Variants in TNPO2 observed in about 807,000 individuals in gnomAD.
TNPO2 encodes the protein transportin-2.
Under a neutral mutation model 111.1 loss-of-function variants are expected in TNPO2, and 16 were observed. The observed-to-expected ratio is 0.14, with a 90% confidence interval of 0.10 to 0.22. The LOEUF (loss-of-function observed/expected upper bound fraction) is 0.22, where lower values mean the gene tolerates loss of function less well. Among genes scored for constraint, TNPO2 ranks in the 10% least tolerant of loss-of-function variants. TNPO2 has a pLI of 1.00. For synonymous variants in TNPO2, 481 were observed against 475.8 expected (o/e 1.01, Z -0.14); for missense variants, 530 against 1,173.7 (o/e 0.45, Z 8.01).
chr19:12,717,535 G>A (rs2026431144), intron 5 of TNPO2, among the ~76,000 whole-genome samples: 1 of 151,986 alleles, frequency 6.6e-6, no homozygotes, highest in East Asian at 1.9e-4. Context: ...GCCTCCCAAG[G>A]TGCTGGGATT....
rs2025648829 is a variant in TNPO2 at position 12,706,138 on chromosome 19, G to C, written c.1668+58C>G. ...GCGTGCAACACGGGGTTGCCACCAG[G>C]TCACTGGATGCCCAGGGGCACGGGG... is the stretch of plus-strand genomic sequence containing the variant. On this transcript the variant is annotated intron_variant, in intron 15 of 25. Coordinates refer to ENST00000425528, the MANE Select transcript of TNPO2 (RefSeq NM_001382241.1). This position sits in a 1 kb window ranked among gnomAD's most constrained non-coding sequence, Gnocchi z 7.0. 1 of 1,578,466 alleles carries C rather than the reference G, an allele frequency of 6.3e-7. No homozygotes were observed. Among genetic ancestry groups the C allele is most frequent in the Non-Finnish European group, 8.6e-7 (1 of 1,162,584 alleles).
In TNPO2 at chr19:12,721,615, G is replaced by A; in HGVS notation, c.-13-625C>T. On this transcript the variant is annotated intron_variant, in intron 2 of 25. Coordinates refer to ENST00000425528, the MANE Select transcript of TNPO2 (RefSeq NM_001382241.1). The surrounding 1 kb of genome is among the most constrained non-coding windows in gnomAD (Gnocchi z 4.9). Reference sequence around the variant, plus strand: ...CAGTGGATGCCAGATATCCCCCTCTGTGGCCTAGCCAAATTCTAAGGATTC... The same window carrying A: ...CAGTGGATGCCAGATATCCCCCTCTATGGCCTAGCCAAATTCTAAGGATTC... 1 of 271,602 alleles carries A rather than the reference G, an allele frequency of 3.7e-6. No homozygotes were observed. The highest frequency in any genetic ancestry group is 7.3e-6 in the Non-Finnish European group (1 of 137,644). The allele number at this position is 271,602 out of a possible 1,614,324, so 16.8% of individuals were successfully genotyped here. A position where few individuals can be genotyped will look rare whatever the true frequency, so the allele number is the denominator to read the frequency against.
At chr19:12,722,409 T>C (rs8104141) in intron 2 of TNPO2, 24,124 of 148,884 alleles carry the variant, frequency 0.16, 5,498 homozygotes, top group African/African-American at 0.51. Context: ...CGGCGCAGGC[T>C]CGGTGCCCGG....
rs1442393242 is a variant in TNPO2, at chr19:12,719,218, G to T, written c.176-40C>A. 2 of 1,613,886 alleles carry T rather than the reference G, an allele frequency of 1.2e-6. No individual in the cohort carries two copies. Among genetic ancestry groups the T allele is most frequent in the Non-Finnish European group, 1.7e-6 (2 of 1,179,768 alleles). On this transcript the variant is annotated intron_variant, in intron 4 of 25. Transcript: ENST00000425528. This position sits in a 1 kb window ranked among gnomAD's most constrained non-coding sequence, Gnocchi z 5.0. Reference sequence around the variant, plus strand: ...GCTGAGGTTCAGGGGCCCAGGGGGAGAAAGCAGGGTCCCGATCGCATGGAA... The same window carrying T: ...GCTGAGGTTCAGGGGCCCAGGGGGATAAAGCAGGGTCCCGATCGCATGGAA...
In TNPO2 at chr19:12,710,194, G is replaced by A. The variant is rs74930647; in HGVS notation, c.1270+427C>T. On this transcript the variant is annotated intron_variant, in intron 13 of 25. Transcript: ENST00000425528. ...GCCCGGCAGCCAGGAACAGGTTTAA[G>A]GCCCAGACACACCCTGAGTGACTGT... 6.1e-3 allele frequency among the ~76,000 whole-genome samples: 929 copies of A among 152,234 alleles called. 7 individuals carry two copies. The highest frequency in any genetic ancestry group is 0.021 in the African/African-American group (876 of 41,530).
In TNPO2 at chr19:12,719,612, G is replaced by A. The variant is rs1435832044; in HGVS notation, c.100-276C>T. Among the ~76,000 whole-genome samples the A allele has an allele frequency of 6.6e-6, 1 of 152,048 alleles. No individual in the cohort carries two copies. The highest frequency in any genetic ancestry group is 1.5e-5 in the Non-Finnish European group (1 of 68,012). ...GGAGTTCGAGACTAGCCTGGCCAGCGTGGTGAAACCCCATCTCTACTAAAC... is the reference window on the plus strand; with the variant it reads ...GGAGTTCGAGACTAGCCTGGCCAGCATGGTGAAACCCCATCTCTACTAAAC... On this transcript the variant is annotated intron_variant, in intron 3 of 25. Transcript: ENST00000425528. The surrounding 1 kb of genome is among the most constrained non-coding windows in gnomAD (Gnocchi z 5.0).
intron 5 of TNPO2, among the ~76,000 whole-genome samples, chr19:12,716,204 T>C (rs2026358090): frequency 6.6e-6 from 1 of 152,192 alleles, no homozygotes; most frequent in African/African-American, 2.4e-5. Context: ...CTTGACTCAG[T>C]AGGCACCCTG....
chr19:12,703,184 C>CA, intron 20 of TNPO2: 1 of 588,650 alleles, frequency 1.7e-6, no homozygotes. Context: ...AAAAAAAAGC[C>CA]AAAGTCACCC....
rs544639010 is a variant in TNPO2 at position 12,705,947 on chromosome 19, G to A, written c.1669-179C>T. On this transcript the variant is annotated intron_variant, in intron 15 of 25. Transcript: ENST00000425528. The surrounding 1 kb of genome is among the most constrained non-coding windows in gnomAD (Gnocchi z 7.2). ...CTTCTCACCTGTCCAAGCACCGCCC[G>A]CCCCACCCCACCCCCCGGGAGCCTG... is the stretch of plus-strand genomic sequence containing the variant. 9.5e-4 allele frequency: 442 copies of A among 463,210 alleles called. 3 individuals are homozygous for A. The highest frequency in any genetic ancestry group is 7.9e-3 in the African/African-American group (399 of 50,744). The allele number at this position is 463,210 out of a possible 1,614,324, so 28.7% of individuals were successfully genotyped here. A position where few individuals can be genotyped will look rare whatever the true frequency, so the allele number is the denominator to read the frequency against.
chr19:12,711,278 C>G lies in TNPO2; in HGVS notation c.1117+18G>C. ...AGGGCTTGCCACCCCACCACCACCC[C>G]CAGGCAGGGGCACACACTCAAATTC... On this transcript the variant is annotated intron_variant, in intron 12 of 25. Transcript: ENST00000425528. 6.2e-7 allele frequency: 1 copy of G among 1,608,868 alleles called. No homozygotes were observed. Among genetic ancestry groups the G allele is most frequent in the South Asian group, 1.1e-5 (1 of 90,530 alleles).
intron 10 of TNPO2, among the ~76,000 whole-genome samples, chr19:12,713,482 GATAAATAA>G (rs112781674): frequency 2.5e-3 from 370 of 146,430 alleles, no homozygotes; most frequent in African/African-American, 4.4e-3. Context: ...TCTAATGAAT[GATAAATAA>G]ATAAATAAAT....
intron 19 of TNPO2, 74 bp from the exon 20 acceptor site, chr19:12,703,600 C>T (rs1236920352): frequency 2.5e-6 from 4 of 1,573,362 alleles, no homozygotes; most frequent in African/African-American, 2.7e-5. Flanking sequence ...CCAGCAGGCC[C>T]CATCAGACAG....
intron 10 of TNPO2, 31 bp from the exon 11 acceptor site, chr19:12,711,644 C>T (rs1332736530): frequency 1.9e-6 from 3 of 1,605,140 alleles, no homozygotes; most frequent in Non-Finnish European, 2.6e-6. Context: ...TATGGGGATG[C>T]AGGGGCCGTG....
Position 12,715,900 on chromosome 19 carries a change from G to A in TNPO2, c.326-161C>T, listed in dbSNP as rs145084258. Reference sequence around the variant, plus strand: ...TTTTTCTTTGTAAGAGATAGAATTAGCTCTGTTGCCCAGGCTGGACTGCTG... The same window carrying A: ...TTTTTCTTTGTAAGAGATAGAATTAACTCTGTTGCCCAGGCTGGACTGCTG... On this transcript the variant is annotated intron_variant, in intron 5 of 25. Transcript: ENST00000425528. This position sits in a 1 kb window ranked among gnomAD's most constrained non-coding sequence, Gnocchi z 7.1. 2.8e-4 allele frequency among the ~76,000 whole-genome samples: 42 copies of A among 151,528 alleles called. No homozygotes were observed. The highest frequency in any genetic ancestry group is 9.4e-4 in the African/African-American group (39 of 41,302).
chr19:12,713,898 G>T (rs2026213000), intron 10 of TNPO2, among the ~76,000 whole-genome samples: 1 of 151,992 alleles, frequency 6.6e-6, no homozygotes, highest in African/African-American at 2.4e-5. Flanking sequence ...GGTGTGGTGG[G>T]ATGTGCCTGT....
chr19:12,703,839 C>G (rs1260754686), intron 18 of TNPO2, 38 bp from the exon 19 acceptor site: 1 of 1,530,624 alleles, frequency 6.5e-7, no homozygotes, highest in Non-Finnish European at 8.8e-7. Context: ...CTAGGCTCCC[C>G]TCCTTCTAAC....
chr19:12,721,286 G>A lies in TNPO2; in HGVS notation c.-13-296C>T. On this transcript the variant is annotated intron_variant, in intron 2 of 25. Coordinates refer to ENST00000425528, the MANE Select transcript of TNPO2 (RefSeq NM_001382241.1). This position sits in a 1 kb window ranked among gnomAD's most constrained non-coding sequence, Gnocchi z 4.9. ...AGCGAAGAGCCCTCGTCCCAGGGTG[G>A]CCCATGCCGCTGACCCCGGCTCCGA... is the stretch of plus-strand genomic sequence containing the variant. 4 of 1,291,974 alleles carry A rather than the reference G, an allele frequency of 3.1e-6. No individual in the cohort carries two copies. The highest frequency in any genetic ancestry group is 1.4e-5 in the South Asian group (1 of 73,872). 80.0% of individuals were successfully genotyped at this position (1,291,974 alleles called of 1,614,324 possible). A position where few individuals can be genotyped will look rare whatever the true frequency, so the allele number is the denominator to read the frequency against.
chr19:12,719,955 T>C lies in TNPO2; in HGVS notation c.100-619A>G, dbSNP rs1208477527. On this transcript the variant is annotated intron_variant, in intron 3 of 25. Coordinates refer to ENST00000425528, the MANE Select transcript of TNPO2 (RefSeq NM_001382241.1). This position sits in a 1 kb window ranked among gnomAD's most constrained non-coding sequence, Gnocchi z 5.0. ...ATCCCCACTAACAGGCCATGAAGAC[T>C]TTTTTTTTTTTTTTAAAAGAGGGAA... is the stretch of plus-strand genomic sequence containing the variant. Among the ~76,000 whole-genome samples the C allele has an allele frequency of 1.6e-5, 2 of 127,838 alleles. No individual in the cohort carries two copies. The highest frequency in any genetic ancestry group is 3.2e-5 in the Non-Finnish European group (2 of 62,916). 83.9% of individuals were successfully genotyped at this position (127,838 alleles called of 152,430 possible). A position where few individuals can be genotyped will look rare whatever the true frequency, so the allele number is the denominator to read the frequency against.
At chr19:12,723,068 A>G (rs1967109945) in intron 2 of TNPO2, among the ~76,000 whole-genome samples, 181 bp downstream of exon 2, 1 of 152,212 alleles carries the variant, frequency 6.6e-6, no homozygotes, top group Admixed American at 6.5e-5. Flanking sequence ...AAGCAGGACA[A>G]AGTAAGTGCC....
Sources: gnomAD v4.1 joint callset for allele counts (sites outside exome capture counted in the v4.1 genomes callset) on GRCh38, gnomAD v4.1.1 for gene constraint, Gnocchi (gnomAD v3.1) non-coding constraint, MANE v1.5 for transcripts, NCBI Gene and HGNC (gene_info 2026-07-23, HGNC 2026-07-21) for gene names.